ANAPC10: variants seen among roughly 807,000 people sequenced by gnomAD.
ANAPC10 encodes the protein anaphase promoting complex subunit 10, also known as anaphase-promoting complex subunit 10.
Under a neutral mutation model 22.0 loss-of-function variants are expected in ANAPC10, and 12 were observed. The observed-to-expected ratio is 0.55, with a 90% CI of 0.35 to 0.88. ANAPC10 has a LOEUF of 0.88. ANAPC10 is among the 40% of genes least tolerant of loss of function. The pLI is 0.01. For synonymous variants in ANAPC10, 65 were observed against 69.5 expected (o/e 0.94, Z 0.32); for missense variants, 188 against 220.9 (o/e 0.85, Z 0.94).
At chr4:145,095,148 T>A (rs1039374508) in intron 2 of ANAPC10, among the ~76,000 whole-genome samples, 1 of 152,134 alleles carries the variant, frequency 6.6e-6, no homozygotes, top group African/African-American at 2.4e-5. Flanking sequence ...AAATAAAGCA[T>A]CTAAACAAAA....
chr4:145,056,244 C>G (rs536376625), intron 4 of ANAPC10, among the ~76,000 whole-genome samples: 1 of 152,152 alleles, frequency 6.6e-6, no homozygotes, highest in Non-Finnish European at 1.5e-5. Context: ...CCCACCAAAA[C>G]CAAGATGGCC....
At chr4:145,009,248 C>T (rs1464908818) in intron 4 of ANAPC10, among the ~76,000 whole-genome samples, 1 of 152,048 alleles carries the variant, frequency 6.6e-6, no homozygotes, top group East Asian at 1.9e-4. Context: ...ATGAAAATGG[C>T]CATATTGCCC....
chr4:145,054,682 G>T (rs1741771893), intron 4 of ANAPC10, among the ~76,000 whole-genome samples: 1 of 148,058 alleles, frequency 6.8e-6, no homozygotes, highest in Non-Finnish European at 1.5e-5. Flanking sequence ...GTGTGTGTGT[G>T]CCTGTGTGTG....
chr4:145,092,961 C>T (rs965382999), intron 2 of ANAPC10, among the ~76,000 whole-genome samples: 1 of 152,214 alleles, frequency 6.6e-6, no homozygotes, highest in African/African-American at 2.4e-5. Flanking sequence ...AGACCAGCCA[C>T]AGATACAAGG....
intron 2 of ANAPC10, among the ~76,000 whole-genome samples, chr4:145,082,837 T>C (rs1257430343): frequency 3.3e-5 from 5 of 152,172 alleles, no homozygotes; most frequent in African/African-American, 9.7e-5. Context: ...TAAGTTTAAC[T>C]TACATTTCAG....
chr4:145,082,998 ACAAG>A (rs1173004791), intron 2 of ANAPC10, among the ~76,000 whole-genome samples: 1 of 152,166 alleles, frequency 6.6e-6, no homozygotes, highest in East Asian at 1.9e-4. Flanking sequence ...ATATGCATAT[ACAAG>A]CAGTCATATA....
At chr4:145,028,296 G>A (rs776836033) in intron 4 of ANAPC10, among the ~76,000 whole-genome samples, 1 of 152,006 alleles carries the variant, frequency 6.6e-6, no homozygotes, top group Non-Finnish European at 1.5e-5. Context: ...AAGGAGAGAC[G>A]AGCCTAGCCT....
chr4:144,998,739 C>A (rs1732025752), intron 4 of ANAPC10, among the ~76,000 whole-genome samples: 1 of 151,918 alleles, frequency 6.6e-6, no homozygotes. Context: ...CATTCAAAAG[C>A]CAGCAGAAGG....
chr4:145,082,525 G>A (rs925399312), intron 2 of ANAPC10, among the ~76,000 whole-genome samples: 3 of 152,090 alleles, frequency 2.0e-5, no homozygotes, highest in African/African-American at 7.2e-5. Flanking sequence ...AAATGACTAA[G>A]CACAAAATCC....
intron 4 of ANAPC10, among the ~76,000 whole-genome samples, chr4:145,026,394 C>T (rs1465341738): frequency 3.3e-5 from 5 of 151,740 alleles, no homozygotes; most frequent in African/African-American, 9.7e-5. Context: ...GATTACATAG[C>T]ATATAAGTAT....
intron 4 of ANAPC10, among the ~76,000 whole-genome samples, chr4:145,015,901 C>T (rs1420931314): frequency 1.3e-5 from 2 of 152,144 alleles, no homozygotes; most frequent in Non-Finnish European, 2.9e-5. Context: ...AAATTCACCA[C>T]TGCCAAGCCA....
rs937235927 is a variant in ANAPC10 at position 144,995,415 on chromosome 4, T to C, written c.516A>G (p.Arg172=). The C allele has an allele frequency of 5.6e-6, 9 of 1,613,538 alleles. No homozygotes were observed. Among genetic ancestry groups the C allele is most frequent in the Non-Finnish European group, 7.6e-6 (9 of 1,179,620 alleles). The change falls in exon 5 of 5, where the codon AGA becomes AGG. Residue 172 remains arginine (R), a synonymous_variant. Transcript: ENST00000507656. ...ACATCATGAAATCTATAGTTGTACATCTAGGAAATTTACCAATGGAGCTCT... is the reference window on the plus strand; with the variant it reads ...ACATCATGAAATCTATAGTTGTACACCTAGGAAATTTACCAATGGAGCTCT... ...VEESSIGKFP[R]CTTIDFMMYR...
chr4:145,048,097 T>C (rs1292206466), intron 4 of ANAPC10, among the ~76,000 whole-genome samples: 1 of 152,194 alleles, frequency 6.6e-6, no homozygotes, highest in African/African-American at 2.4e-5. Flanking sequence ...GAATCAATTT[T>C]AGAACTAATC....
chr4:144,996,922 C>T lies in ANAPC10; in HGVS notation c.328-1319G>A, dbSNP rs564686338. 4.6e-5 allele frequency among the ~76,000 whole-genome samples: 7 copies of T among 152,116 alleles called. No individual in the cohort carries two copies. The South Asian group carries it at 6.2e-4, about 14-fold the overall frequency. On this transcript the variant is annotated intron_variant, in intron 4 of 4. Coordinates refer to ENST00000507656, the MANE Select transcript of ANAPC10 (RefSeq NM_001256706.2). ...CCCCATGAAGCTGAAAACCATGGCA[C>T]GAGAACTATGTGACGCATGCACAAG...
At chr4:145,014,094 G>C (rs139431056) in intron 4 of ANAPC10, among the ~76,000 whole-genome samples, 1 of 152,176 alleles carries the variant, frequency 6.6e-6, no homozygotes, top group Non-Finnish European at 1.5e-5. Flanking sequence ...CAGAACTCAG[G>C]GGAGAGCCCA....
intron 2 of ANAPC10, among the ~76,000 whole-genome samples, chr4:145,091,170 G>A (rs1475786435): frequency 6.6e-6 from 1 of 152,202 alleles, no homozygotes; most frequent in East Asian, 1.9e-4. Flanking sequence ...CACTCCTCTA[G>A]TAGCAGTAAC....
chr4:144,996,990 G>C (rs1257034695), intron 4 of ANAPC10, among the ~76,000 whole-genome samples: 1 of 152,142 alleles, frequency 6.6e-6, no homozygotes. Flanking sequence ...GGGTAACAGT[G>C]ATGGAAGATC....
intron 4 of ANAPC10, among the ~76,000 whole-genome samples, chr4:145,004,157 A>G (rs1398391220): frequency 6.6e-6 from 1 of 152,096 alleles, no homozygotes; most frequent in Non-Finnish European, 1.5e-5. Flanking sequence ...TTGTTGGAGT[A>G]TAGGTATGCT....
intron 3 of ANAPC10, among the ~76,000 whole-genome samples, chr4:145,068,742 T>A (rs1490032069): frequency 1.3e-5 from 2 of 152,058 alleles, no homozygotes; most frequent in African/African-American, 4.8e-5. Flanking sequence ...AAATCCCGTC[T>A]CCACTAAAAA....
Sources: gnomAD v4.1 joint callset for allele counts (sites outside exome capture counted in the v4.1 genomes callset) on GRCh38, gnomAD v4.1.1 for gene constraint, MANE v1.5 for transcripts, NCBI Gene and HGNC (gene_info 2026-07-23, HGNC 2026-07-21) for gene names.